Variants in COQ6 observed in about 807,000 individuals in gnomAD.
COQ6 encodes the protein coenzyme Q6, monooxygenase.
Under a neutral mutation model 55.5 loss-of-function variants are expected in COQ6, and 45 were observed. That is an observed-to-expected ratio of 0.81 (90% CI 0.64 to 1.04). The LOEUF is 1.04. COQ6 is among the 50% of genes least tolerant of loss of function. The pLI is 0.00. For missense variants in COQ6, 550 were observed against 601.3 expected, an observed-to-expected ratio of 0.91 and a Z score of 0.89; for synonymous variants, 206 against 230.5, an observed-to-expected ratio of 0.89 and a Z score of 0.96.
chr14:73,958,455 C>T, intron 5 of COQ6, 178 bp downstream of exon 5: 1 of 1,470,294 alleles, frequency 6.8e-7, no homozygotes, highest in South Asian at 1.3e-5. Flanking sequence ...AAATCCTGTA[C>T]AGGGAGCAAT....
At position 73,955,940 on chromosome 14, in the gene COQ6, A is replaced by G. The variant is rs775587720; in HGVS notation, c.481+12A>G. The G allele has an allele frequency of 7.3e-5, 118 of 1,613,834 alleles. No individual in the cohort carries two copies. Among genetic ancestry groups the G allele is most frequent in the Non-Finnish European group, 3.9e-5 (46 of 1,180,016 alleles). ...GGAGGCTGTGTCTGGTGAGGCCCCC[A>G]TCTTCCACCTTGCATTCATTGGGAA... On this transcript the variant is annotated intron_variant, in intron 4 of 11. Coordinates refer to ENST00000334571, the MANE Select transcript of COQ6 (RefSeq NM_182476.3).
In COQ6 at chr14:73,961,510, G is replaced by A; in HGVS notation, c.1150G>A (p.Gly384Arg). The change falls in exon 10 of 12, where the codon GGG (glycine) becomes AGG (arginine). Residue 384 changes from glycine to arginine, a missense_variant. Gly to Arg is a moderately radical substitution (Grantham distance 125). Coordinates refer to ENST00000334571, the MANE Select transcript of COQ6 (RefSeq NM_182476.3). ...AGGACAGGGTGTCAACATGGGCTTT[G>A]GGGATATCTCCAGCTTGGCCCATCA... Reference protein sequence around the residue: ...LAGQGVNMGFGDISSLAHHLS... With the variant: ...LAGQGVNMGFRDISSLAHHLS... 1 of 1,614,166 alleles carries A rather than the reference G, an allele frequency of 6.2e-7. No individual in the cohort carries two copies. Among genetic ancestry groups the A allele is most frequent in the Non-Finnish European group, 8.5e-7 (1 of 1,180,036 alleles).
intron 9 of COQ6, 27 bp downstream of exon 9, chr14:73,961,402 T>C (rs754739863): frequency 8.7e-6 from 14 of 1,613,892 alleles, no homozygotes; most frequent in Non-Finnish European, 1.2e-5. Context: ...GCAGGGCCAC[T>C]CCCTTCTCAC....
At chr14:73,958,530 G>A in intron 5 of COQ6, 2 of 1,329,352 alleles carry the variant, frequency 1.5e-6, no homozygotes, top group African/African-American at 1.5e-5. Flanking sequence ...GCACCAGAGT[G>A]TTGGGAATGG....
At chr14:73,962,163 G>A (rs1432903331) in intron 11 of COQ6, among the ~76,000 whole-genome samples, 1 of 151,850 alleles carries the variant, frequency 6.6e-6, no homozygotes, top group East Asian at 1.9e-4. Flanking sequence ...GGCCAAGCTG[G>A]TCTTGAACTC....
At chr14:73,962,352 A>C (rs1334304309) in intron 11 of COQ6, among the ~76,000 whole-genome samples, 1 of 152,082 alleles carries the variant, frequency 6.6e-6, no homozygotes, top group Non-Finnish European at 1.5e-5. Flanking sequence ...CTAGGCTTTT[A>C]GGTGTTACGG....
At position 73,963,010 on chromosome 14, in the gene COQ6, C is replaced by T; in HGVS notation, c.*11C>T. The T allele has an allele frequency of 6.2e-7, 1 of 1,601,072 alleles. No homozygotes were observed. Among genetic ancestry groups the T allele is most frequent in the Non-Finnish European group, 8.6e-7 (1 of 1,168,218 alleles). ...TTTGCAAGCAAATGAGTACTCCTCT[C>T]CTAAAGAAAGATTACGTTGATGAAA... is the stretch of plus-strand genomic sequence containing the variant. On this transcript the variant is annotated 3_prime_UTR_variant, in exon 12 of 12. Coordinates refer to ENST00000334571, the MANE Select transcript of COQ6 (RefSeq NM_182476.3).
chr14:73,962,565 A>G (rs1352281660), intron 11 of COQ6: 1 of 189,360 alleles, frequency 5.3e-6, no homozygotes, highest in East Asian at 1.4e-4. Flanking sequence ...TCTCTTGAAA[A>G]AAAAAAATGA....
chr14:73,953,665 G>A, intron 2 of COQ6, 96 bp downstream of exon 2: 2 of 1,533,972 alleles, frequency 1.3e-6, no homozygotes, highest in Non-Finnish European at 1.8e-6. Flanking sequence ...ATCTGACAAG[G>A]AGGGAGCTCA....
intron 4 of COQ6, chr14:73,957,918 C>A: frequency 2.0e-6 from 1 of 498,048 alleles, no homozygotes; most frequent in Non-Finnish European, 3.6e-6. Flanking sequence ...AGAAAGAGTG[C>A]CTCTGACAGA....
chr14:73,953,287 T>C (rs2056270719), intron 1 of COQ6, 148 bp from the exon 2 acceptor site: 1 of 737,718 alleles, frequency 1.4e-6, no homozygotes, highest in Non-Finnish European at 2.3e-6. Flanking sequence ...TATATGTTAT[T>C]GCTTAGGACT....
At chr14:73,962,573 T>A (rs888918943) in intron 11 of COQ6, 2 of 175,012 alleles carry the variant, frequency 1.1e-5, no homozygotes, top group Non-Finnish European at 2.3e-5. Context: ...AAAAAAAAAA[T>A]GAATAGGGAT....
At position 73,963,123 on chromosome 14, in the gene COQ6, C is replaced by T; in HGVS notation, c.*124C>T. On this transcript the variant is annotated 3_prime_UTR_variant, in exon 12 of 12. Coordinates refer to ENST00000334571, the MANE Select transcript of COQ6 (RefSeq NM_182476.3). ...TACTTTACATTAAAATTCTCTTTTT[C>T]TTCTTTGCTTAATGGGCCTGTGGCA... The T allele has an allele frequency of 2.2e-6, 2 of 894,214 alleles. No individual in the cohort carries two copies. The highest frequency in any genetic ancestry group is 3.7e-6 in the Non-Finnish European group (2 of 545,032). The allele number at this position is 894,214 out of a possible 1,614,324, so 55.4% of individuals were successfully genotyped here. A position where few individuals can be genotyped will look rare whatever the true frequency, so the allele number is the denominator to read the frequency against.
At chr14:73,953,371 C>T (rs2056274180) in intron 1 of COQ6, 64 bp from the exon 2 acceptor site, 1 of 1,398,580 alleles carries the variant, frequency 7.2e-7, no homozygotes, top group Non-Finnish European at 1.0e-6. Flanking sequence ...TCTGTTGTTT[C>T]TCTTGGTAAT....
Position 73,953,507 on chromosome 14 carries a change from T to C in COQ6, c.236T>C (p.Leu79Ser). ...EAGPKKVLEK[L>S]SETYSNRVSS... ...GGTCCAAAGAAAGTACTGGAGAAAT[T>C]GTCAGAAACTTACAGCAACAGGGTC... Residue 79 changes from leucine (L) to serine (S), a missense_variant, in exon 2 of 12, where the codon TTG becomes TCG. Transcript: ENST00000334571. The C allele has an allele frequency of 6.2e-7, 1 of 1,614,178 alleles. No homozygotes were observed. Among genetic ancestry groups the C allele is most frequent in the Non-Finnish European group, 8.5e-7 (1 of 1,180,024 alleles).
chr14:73,960,459 C>T (rs2056664477), intron 8 of COQ6: 2 of 991,542 alleles, frequency 2.0e-6, no homozygotes, highest in Non-Finnish European at 2.4e-6. Flanking sequence ...GACTCCACTG[C>T]TCTGTAGTAG....
chr14:73,962,849 T>A, intron 11 of COQ6, 121 bp from the exon 12 acceptor site: 1 of 861,662 alleles, frequency 1.2e-6, no homozygotes, highest in Non-Finnish European at 1.9e-6. Flanking sequence ...ATATTTTTCT[T>A]TTTTTAGCTG....
In COQ6 at chr14:73,961,853, T is replaced by G; in HGVS notation, c.1327T>G (p.Leu443Val). 6.2e-7 allele frequency: 1 copy of G among 1,614,208 alleles called. No individual in the cohort carries two copies. The highest frequency in any genetic ancestry group is 8.5e-7 in the Non-Finnish European group (1 of 1,180,036). The change falls in exon 11 of 12, where the codon TTG becomes GTG. Residue 443 changes from leucine (L) to valine (V), a missense_variant. By Grantham distance (32) the Leu-to-Val change is conservative. Coordinates refer to ENST00000334571, the MANE Select transcript of COQ6 (RefSeq NM_182476.3). The stretch of plus-strand genomic sequence containing the variant: ...TTCTACCAGTGCCTCCCCGCTTGTG[T>G]TGCTCAGGACGTGGGGCTTGCAGGC... The part of the protein sequence containing the change: ...LYSTSASPLV[L>V]LRTWGLQATN...
chr14:73,955,207 T>G, intron 2 of COQ6: 1 of 547,198 alleles, frequency 1.8e-6, no homozygotes, highest in Non-Finnish European at 3.3e-6. Flanking sequence ...CCCGCCTCAG[T>G]CTCCCAAAGT....
Sources: gnomAD v4.1 joint callset for allele counts (sites outside exome capture counted in the v4.1 genomes callset) on GRCh38, gnomAD v4.1.1 for gene constraint, MANE v1.5 for transcripts, NCBI Gene and HGNC (gene_info 2026-07-23, HGNC 2026-07-21) for gene names.